CCNJL: variants seen among roughly 807,000 people sequenced by gnomAD.
CCNJL encodes the protein cyclin J like, also known as cyclin-J-like protein.
Under a neutral mutation model 33.4 loss-of-function variants are expected in CCNJL, and 33 were observed. That is an observed-to-expected ratio of 0.99 (90% CI 0.75 to 1.32). The LOEUF is 1.32. Among genes scored for constraint, CCNJL ranks in the 40% most tolerant of loss-of-function variants. The pLI, the probability that CCNJL is intolerant of heterozygous loss-of-function variation, is 0.00. For synonymous variants in CCNJL, 227 were observed against 220.9 expected, an observed-to-expected ratio of 1.03 and a Z score of -0.24; for missense variants, 512 against 499.7, an observed-to-expected ratio of 1.02 and a Z score of -0.23.
At chr5:160,272,223 C>G (rs1408722538) in intron 3 of CCNJL, among the ~76,000 whole-genome samples, 1 of 152,202 alleles carries the variant, frequency 6.6e-6, no homozygotes, top group East Asian at 1.9e-4. Context: ...CGTCCCCTGC[C>G]TTGTTGTCAA....
chr5:160,330,917 T>G (rs1355237611), intron 1 of CCNJL, among the ~76,000 whole-genome samples: 1 of 152,148 alleles, frequency 6.6e-6, no homozygotes, highest in African/African-American at 2.4e-5. Flanking sequence ...CCTCCCAAAG[T>G]GCTGGGATTA....
intron 1 of CCNJL, among the ~76,000 whole-genome samples, chr5:160,337,232 T>C (rs1296973026): frequency 1.3e-5 from 2 of 150,972 alleles, no homozygotes; most frequent in Non-Finnish European, 2.9e-5. Context: ...CCCAGGCTGG[T>C]CTTGAACTCC....
At chr5:160,264,002 G>T (rs894393290) in intron 3 of CCNJL, among the ~76,000 whole-genome samples, 1 of 148,206 alleles carries the variant, frequency 6.7e-6, no homozygotes, top group South Asian at 2.2e-4. Flanking sequence ...TGGAGTGCAA[G>T]TAGCTCAATC....
At chr5:160,320,850 C>CTTTCTTTCCTTCT (rs1491096774) in intron 1 of CCNJL, among the ~76,000 whole-genome samples, 3 of 55,532 alleles carry the variant, frequency 5.4e-5, no homozygotes, top group Non-Finnish European at 1.1e-4. Context: ...TCTTTCTTTC[C>CTTTCTTTCCTTCT]TTCTTTCTTT....
chr5:160,329,752 C>T (rs1763583865), intron 1 of CCNJL, among the ~76,000 whole-genome samples: 1 of 152,216 alleles, frequency 6.6e-6, no homozygotes, highest in Non-Finnish European at 1.5e-5. Context: ...AGCCCACCAC[C>T]TCTGCTCAGC....
At chr5:160,322,271 T>C (rs1409753763) in intron 1 of CCNJL, among the ~76,000 whole-genome samples, 2 of 152,208 alleles carry the variant, frequency 1.3e-5, no homozygotes, top group Non-Finnish European at 2.9e-5. Context: ...TCTTCCCTCT[T>C]TTCCCAACCC....
At chr5:160,281,565 T>A (rs4145652) in intron 2 of CCNJL, among the ~76,000 whole-genome samples, 21,751 of 152,160 alleles carry the variant, frequency 0.14, 2,542 homozygotes, top group African/African-American at 0.32. Flanking sequence ...ACCAACAAAG[T>A]TTTTTACAAC....
At position 160,259,382 on chromosome 5, in the gene CCNJL, T is replaced by C. The variant is rs41275309; in HGVS notation, c.583+87A>G. 6.3e-3 allele frequency: 7,719 copies of C among 1,216,834 alleles called. 55 individuals carry two copies. The highest frequency in any genetic ancestry group is 6.7e-3 in the Non-Finnish European group (5,745 of 862,354). 75.4% of individuals were successfully genotyped at this position (1,216,834 alleles called of 1,614,324 possible). A position where few individuals can be genotyped will look rare whatever the true frequency, so the allele number is the denominator to read the frequency against. On this transcript the variant is annotated intron_variant, in intron 4 of 5. Transcript: ENST00000257536. ...CCCCAGTGAGAAGGCCTGATCTGGA[T>C]GGACATGCCTTTTAGAGCCGCCTGA...
At chr5:160,268,605 G>A (rs139403242) in intron 3 of CCNJL, among the ~76,000 whole-genome samples, 7 of 152,334 alleles carry the variant, frequency 4.6e-5, no homozygotes, top group African/African-American at 1.4e-4. Flanking sequence ...CCCTTCATCT[G>A]TAAGAGGGTG....
rs911095009 is a variant in CCNJL, at chr5:160,259,713, C to T, written c.339G>A (p.Arg113=). The change falls in exon 4 of 6, where the codon AGG becomes AGA. Residue 113 remains arginine (R), a synonymous_variant. Coordinates refer to ENST00000257536, the MANE Select transcript of CCNJL (RefSeq NM_001308173.3). The part of the protein sequence containing the change: ...VPKLEQINST[R]ILSSQNFTLT... ...GGGTGAAGTTCTGGCTGCTCAGGAT[C>T]CTCGTGCTGTTTATTTGCTCCAACT... The T allele has an allele frequency of 1.8e-5, 29 of 1,613,888 alleles. No individual in the cohort carries two copies. The highest frequency in any genetic ancestry group is 2.3e-5 in the Non-Finnish European group (27 of 1,179,916).
chr5:160,259,358 C>A (rs955767571), intron 4 of CCNJL, 111 bp downstream of exon 4: 14 of 895,810 alleles, frequency 1.6e-5, no homozygotes, highest in Non-Finnish European at 2.4e-5. Context: ...GTGCACAGGC[C>A]CCAGTGAGAA....
chr5:160,276,663 T>C (rs1762023893), intron 3 of CCNJL, among the ~76,000 whole-genome samples: 1 of 152,206 alleles, frequency 6.6e-6, no homozygotes, highest in South Asian at 2.1e-4. Context: ...CGAAGTTTCC[T>C]TTTAAGGTGA....
intron 1 of CCNJL, among the ~76,000 whole-genome samples, chr5:160,333,013 G>A (rs1763629420): frequency 6.6e-6 from 1 of 152,088 alleles, no homozygotes; most frequent in Non-Finnish European, 1.5e-5. Context: ...CGCTGGGCAT[G>A]GTGGCTCACA....
chr5:160,249,740 G>C lies in CCNJL; in HGVS notation c.*3638C>G, dbSNP rs1189904550. On this transcript the variant is annotated 3_prime_UTR_variant, in exon 6 of 6. Coordinates refer to ENST00000257536, the MANE Select transcript of CCNJL (RefSeq NM_001308173.3). ...ACTGTGCCACTGCACTCTAGCCTGG[G>C]CCACAGAGTGAGACCCTGTTTCAAA... The C allele has an allele frequency of 6.6e-6, 1 of 151,178 alleles. No homozygotes were observed. The highest frequency in any genetic ancestry group is 6.6e-5 in the Admixed American group (1 of 15,158). The allele number at this position is 151,178 out of a possible 1,614,324, so 9.4% of individuals were successfully genotyped here. A position where few individuals can be genotyped will look rare whatever the true frequency, so the allele number is the denominator to read the frequency against.
At chr5:160,295,943 C>G (rs1168132546) in intron 2 of CCNJL, among the ~76,000 whole-genome samples, 1 of 152,170 alleles carries the variant, frequency 6.6e-6, no homozygotes, top group African/African-American at 2.4e-5. Flanking sequence ...GGGGATGGAG[C>G]TGGGCACCTA....
chr5:160,263,626 G>A (rs1057084127), intron 3 of CCNJL, among the ~76,000 whole-genome samples: 16 of 152,200 alleles, frequency 1.1e-4, no homozygotes, highest in Admixed American at 1.0e-3. Flanking sequence ...GACCATAGCA[G>A]GAGTCCTAGG....
At chr5:160,326,343 C>T (rs533723374) in intron 1 of CCNJL, among the ~76,000 whole-genome samples, 4 of 151,904 alleles carry the variant, frequency 2.6e-5, no homozygotes, top group African/African-American at 9.7e-5. Flanking sequence ...GGCATGGTGG[C>T]ACGCATCTGT....
intron 3 of CCNJL, among the ~76,000 whole-genome samples, chr5:160,265,122 G>T (rs1017925764): frequency 1.3e-5 from 2 of 152,134 alleles, no homozygotes; most frequent in Non-Finnish European, 2.9e-5. Flanking sequence ...GCCCAGGCTT[G>T]AGCGCGGCCC....
At chr5:160,315,357 ACT>A, upstream of CCNJL, 1 of 313,930 alleles carries the variant, frequency 3.2e-6, no homozygotes, top group South Asian at 2.2e-5. Flanking sequence ...ACACACACAC[ACT>A]AGCCAGGTGT....
Sources: allele counts gnomAD v4.1 joint callset (sites outside exome capture counted in the v4.1 genomes callset), GRCh38; gene constraint gnomAD v4.1.1; transcripts MANE v1.5; gene names NCBI Gene and HGNC (gene_info 2026-07-23, HGNC 2026-07-21).